Variants in FAM120C observed in about 807,000 individuals in gnomAD.
FAM120C encodes constitutive coactivator of PPAR-gamma-like protein 2.
A neutral mutation model predicts 71.2 loss-of-function variants in FAM120C; 14 were observed. The observed-to-expected ratio is 0.20, with a 90% CI of 0.13 to 0.31. The LOEUF is 0.31. FAM120C is among the 10% of genes least tolerant of loss of function. FAM120C has a pLI of 1.00. For missense variants in FAM120C, 500 were observed against 879.0 expected (o/e 0.57, Z 5.45); for synonymous variants, 354 against 353.2 (o/e 1.00, Z -0.03).
chrX:54,135,509 C>A lies in FAM120C; in HGVS notation c.1335+19G>T. ...AACCTGAGTCTAATGCTATCTCAGGCTTCTTAAAGGATGCTTACCATTGGC... is the reference window on the plus strand; with the variant it reads ...AACCTGAGTCTAATGCTATCTCAGGATTCTTAAAGGATGCTTACCATTGGC... On this transcript the variant is annotated intron_variant, in intron 6 of 15. Transcript: ENST00000375180. 3 of 1,195,074 alleles carry A rather than the reference C, an allele frequency of 2.5e-6. No individual in the cohort carries two copies. The highest frequency in any genetic ancestry group is 3.4e-6 in the Non-Finnish European group (3 of 882,381).
At chrX:54,180,471 T>C (rs1281696752) in intron 1 of FAM120C, among the ~76,000 whole-genome samples, 2 of 112,232 alleles carry the variant, frequency 1.8e-5, no homozygotes, top group African/African-American at 6.5e-5. Flanking sequence ...CTTATTTACC[T>C]CTCAGTCCTC....
chrX:54,083,433 CCACACACA>C (rs781964795), intron 13 of FAM120C, among the ~76,000 whole-genome samples: 75 of 78,924 alleles, frequency 9.5e-4, no homozygotes, highest in African/African-American at 2.6e-3. Flanking sequence ...GACCCCATCT[CCACACACA>C]CACACACACA....
At position 54,077,939 on chromosome X, in the gene FAM120C, C is replaced by CTTTTT. The variant is rs1194855968; in HGVS notation, c.3036+2288_3036+2292dup. Among the ~76,000 whole-genome samples, 115 of 55,296 alleles carry CTTTTT rather than the reference C, an allele frequency of 2.1e-3. 1 individual carries two copies. Among genetic ancestry groups the CTTTTT allele is most frequent in the East Asian group, 5.4e-3 (6 of 1,113 alleles). The allele number at this position is 55,296 out of a possible 115,157, so 48.0% of individuals were successfully genotyped here. ...ACTAAGAGATCCAATAAGATCTACT[C>CTTTTT]TTTTTTTTTTTTTTTTTTTTTTGAG... On this transcript the variant is annotated intron_variant, in intron 15 of 15. Coordinates refer to ENST00000375180, the MANE Select transcript of FAM120C (RefSeq NM_017848.6).
chrX:54,081,554 T>A, intron 13 of FAM120C, 94 bp from the exon 14 acceptor site: 1 of 980,302 alleles, frequency 1.0e-6, no homozygotes, highest in Non-Finnish European at 1.4e-6. Flanking sequence ...GGCGGATTAC[T>A]TGAAGTCAGG....
At chrX:54,112,813 C>A (rs1212647389) in intron 10 of FAM120C, among the ~76,000 whole-genome samples, 2 of 95,837 alleles carry the variant, frequency 2.1e-5, no homozygotes, top group Non-Finnish European at 4.1e-5. Context: ...TGCACTCCAG[C>A]CTGGGTGACA....
intron 11 of FAM120C, among the ~76,000 whole-genome samples, chrX:54,089,789 G>A (rs1240569911): frequency 1.8e-5 from 2 of 110,090 alleles, no homozygotes; most frequent in Admixed American, 9.8e-5. Flanking sequence ...GAGAAACCCC[G>A]TCTCTACTAA....
At chrX:54,176,432 C>CA (rs1197918401) in intron 1 of FAM120C, among the ~76,000 whole-genome samples, 3,642 of 36,039 alleles carry the variant, frequency 0.1, 122 homozygotes, top group African/African-American at 0.16. Flanking sequence ...GACTCTGTCT[C>CA]AAAAAAAAAA....
chrX:54,155,185 C>G (rs191104629), intron 3 of FAM120C, among the ~76,000 whole-genome samples: 1 of 111,345 alleles, frequency 9.0e-6, no homozygotes, highest in Non-Finnish European at 1.9e-5. Flanking sequence ...GGCTGGGCAA[C>G]AGAATGAGAC....
intron 1 of FAM120C, among the ~76,000 whole-genome samples, chrX:54,164,632 T>C (rs782321592): frequency 1.4e-3 from 158 of 112,267 alleles, no homozygotes; most frequent in African/African-American, 4.7e-3. Flanking sequence ...TTGTATGCTA[T>C]ACATTTTGTT....
Position 54,128,508 on chromosome X carries a change from TGTTTCTC to T in FAM120C, c.2062+4177_2062+4183del, listed in dbSNP as rs782077405. 7.3e-5 allele frequency among the ~76,000 whole-genome samples: 8 copies of T among 109,101 alleles called. No individual in the cohort carries two copies. In the South Asian group the frequency reaches 1.6e-3, roughly 22 times the overall value. The allele number at this position is 109,101 out of a possible 115,157, so 94.7% of individuals were successfully genotyped here. On this transcript the variant is annotated intron_variant, in intron 9 of 15. Coordinates refer to ENST00000375180, the MANE Select transcript of FAM120C (RefSeq NM_017848.6). ...TTTTTTTTAATTGATCATTCTTGGG[TGTTTCTC>T]GCAGAGGGGGATTTGGCAGGGTCAT... is the stretch of plus-strand genomic sequence containing the variant.
In FAM120C at chrX:54,085,743, G is replaced by A. The variant is rs1569531536; in HGVS notation, c.2811C>T (p.Pro937=). 1.7e-6 allele frequency: 2 copies of A among 1,211,483 alleles called. No individual in the cohort carries two copies. The highest frequency in any genetic ancestry group is 3.0e-5 in the East Asian group (1 of 33,842). ...CAAATCCCCGGCTCCTCCCTTGAGG[G>A]GGAAGTGGCATGGAGCCCATAGCTC... ...YSRAMGSMPL[P]PQGRSRGFAG... The change falls in exon 13 of 16, where the codon CCC becomes CCT. Residue 937 remains proline (P), a synonymous_variant. Transcript: ENST00000375180.
intron 13 of FAM120C, among the ~76,000 whole-genome samples, chrX:54,083,185 GT>G (rs1557121532): frequency 9.1e-6 from 1 of 110,398 alleles, no homozygotes; most frequent in African/African-American, 3.3e-5. Context: ...AGCACAGTGG[GT>G]TTTGTAATTT....
chrX:54,173,278 C>T (rs1166964665), intron 1 of FAM120C, among the ~76,000 whole-genome samples: 2 of 112,066 alleles, frequency 1.8e-5, no homozygotes, highest in African/African-American at 3.2e-5. Context: ...GACGGAGTTT[C>T]GCTCTTATTG....
chrX:54,077,939 C>CTT (rs1194855968), intron 15 of FAM120C, among the ~76,000 whole-genome samples: 31,564 of 55,103 alleles, frequency 0.57, 11,094 homozygotes, highest in East Asian at 0.84. Context: ...AAGATCTACT[C>CTT]TTTTTTTTTT....
intron 1 of FAM120C, among the ~76,000 whole-genome samples, chrX:54,177,753 T>C (rs1007041102): frequency 6.3e-5 from 7 of 111,156 alleles, no homozygotes; most frequent in Admixed American, 9.6e-5. Context: ...ATGAGATTGC[T>C]CAGGAAACAA....
At chrX:54,127,924 C>T (rs781908707) in intron 9 of FAM120C, among the ~76,000 whole-genome samples, 1 of 110,677 alleles carries the variant, frequency 9.0e-6, no homozygotes, top group South Asian at 3.9e-4. Context: ...TGATTTCTTT[C>T]CCTTTGAATG....
At chrX:54,095,780 C>G (rs2066848315) in intron 10 of FAM120C, among the ~76,000 whole-genome samples, 1 of 110,527 alleles carries the variant, frequency 9.0e-6, no homozygotes, top group Admixed American at 9.7e-5. Context: ...CCTCAGCCTC[C>G]CAAGTAGCTG....
chrX:54,177,536 T>C (rs1388297465), intron 1 of FAM120C, among the ~76,000 whole-genome samples: 1 of 111,176 alleles, frequency 9.0e-6, no homozygotes, highest in Non-Finnish European at 1.9e-5. Context: ...ACACCATTCA[T>C]AGAAAAAGAG....
intron 9 of FAM120C, among the ~76,000 whole-genome samples, chrX:54,118,708 T>TC (rs1254088392): frequency 5.4e-4 from 48 of 88,695 alleles, no homozygotes; most frequent in African/African-American, 2.0e-3. Context: ...TCTTTTTTTT[T>TC]TTTTTTTTTT....
Sources: gnomAD v4.1 joint callset for allele counts (sites outside exome capture counted in the v4.1 genomes callset) on GRCh38, gnomAD v4.1.1 for gene constraint, MANE v1.5 for transcripts, NCBI Gene and HGNC (gene_info 2026-07-23, HGNC 2026-07-21) for gene names.